The following MICAL2 variants were observed in gnomAD, a reference collection of about 807,000 sequenced individuals.
The protein encoded by MICAL2 is microtubule associated monooxygenase, calponin and LIM domain containing 2.
A neutral mutation model predicts 127.3 loss-of-function variants in MICAL2; 77 were observed. The observed-to-expected ratio is 0.60, with a 90% CI of 0.50 to 0.73. The LOEUF is 0.73. MICAL2 is among the 30% of genes least tolerant of loss of function. MICAL2 has a pLI of 0.00. For synonymous variants in MICAL2, 570 were observed against 551.1 expected, an observed-to-expected ratio of 1.03 and a Z score of -0.48; for missense variants, 1,351 against 1,434.4, an observed-to-expected ratio of 0.94 and a Z score of 0.94.
In MICAL2 at chr11:12,151,680, T is replaced by A. The variant is rs143715954; in HGVS notation, c.-77-10399T>A. On this transcript the variant is annotated intron_variant, in intron 2 of 27. Coordinates refer to ENST00000683283, the MANE Select transcript of MICAL2 (RefSeq NM_001282663.2). ...CACAGTTTCCAAGGTCTTTGTGCCC[T>A]GGCAGAAGTAGAAAAGGCACCAAAA... 9.3e-4 allele frequency among the ~76,000 whole-genome samples: 141 copies of A among 152,316 alleles called. 2 individuals carry two copies. In the East Asian group the frequency reaches 0.026, roughly 28 times the overall value.
chr11:12,294,602 A>G (rs1392670429), downstream of MICAL2: 3 of 1,614,188 alleles, frequency 1.9e-6, no homozygotes, highest in East Asian at 2.2e-5. Context: ...TAAGCCTCCA[A>G]AGAAAAGAAT....
intron 29 of MICAL2, among the ~76,000 whole-genome samples, chr11:12,312,487 G>T (rs1035336190): frequency 3.9e-5 from 6 of 151,956 alleles, no homozygotes; most frequent in African/African-American, 1.2e-4. Context: ...TCGATCCACA[G>T]CGTGTTTAGA....
chr11:12,120,197 C>T (rs1169830536), intron 1 of MICAL2, among the ~76,000 whole-genome samples: 2 of 152,220 alleles, frequency 1.3e-5, no homozygotes, highest in Non-Finnish European at 2.9e-5. Flanking sequence ...AGCCCTTGTC[C>T]GCAGAAGCCC....
intron 2 of MICAL2, among the ~76,000 whole-genome samples, chr11:12,144,417 T>A (rs1184874023): frequency 6.6e-6 from 1 of 151,920 alleles, no homozygotes. Flanking sequence ...GATGTTGGAG[T>A]TTGGGGCTGG....
chr11:12,227,482 G>A (rs768886476), intron 15 of MICAL2, among the ~76,000 whole-genome samples: 4 of 152,128 alleles, frequency 2.6e-5, no homozygotes, highest in Non-Finnish European at 4.4e-5. Flanking sequence ...GGAACATGAC[G>A]GCCATCAGTT....
At chr11:12,313,988 G>T (rs1042622440) in intron 29 of MICAL2, among the ~76,000 whole-genome samples, 3 of 27,382 alleles carry the variant, frequency 1.1e-4, no homozygotes, top group African/African-American at 2.7e-4. Flanking sequence ...TTTTTTGATA[G>T]CTATACAAAC....
In MICAL2 at chr11:12,286,401, C is replaced by G. The variant is rs534200957; in HGVS notation, c.255-686C>G. Among the ~76,000 whole-genome samples the G allele has an allele frequency of 2.0e-5, 3 of 152,238 alleles. No homozygotes were observed. The East Asian group carries it at 5.8e-4, about 29-fold the overall frequency. On this transcript the variant is annotated intron_variant, in intron 2 of 2. Transcript: ENST00000529028. Reference sequence around the variant, plus strand: ...CCGTGATGACCTTAGCTTTAAATAACTGTTCTGACATGAATGAATATGTGC... The same window carrying G: ...CCGTGATGACCTTAGCTTTAAATAAGTGTTCTGACATGAATGAATATGTGC...
intron 20 of MICAL2, 86 bp downstream of exon 20, chr11:12,242,858 TCTC>T (rs1314279242): frequency 2.2e-6 from 2 of 919,990 alleles, no homozygotes; most frequent in Non-Finnish European, 3.3e-6. Context: ...AGCTCAATTT[TCTC>T]CTCCTTCCTC....
At chr11:12,268,376 A>G (rs1054378727), downstream of MICAL2, among the ~76,000 whole-genome samples, 1 of 152,228 alleles carries the variant, frequency 6.6e-6, no homozygotes, top group Non-Finnish European at 1.5e-5. Context: ...GAGCAGTTCC[A>G]GCAGCATCCC....
At chr11:12,258,289 T>C (rs1453866774) in intron 24 of MICAL2, among the ~76,000 whole-genome samples, 179 bp from the exon 25 acceptor site, 1 of 152,148 alleles carries the variant, frequency 6.6e-6, no homozygotes, top group Non-Finnish European at 1.5e-5. Flanking sequence ...TCCTACCTTA[T>C]CTCAGTGCCA....
chr11:12,319,869 A>G (rs1455991265), intron 30 of MICAL2: 15 of 1,328,382 alleles, frequency 1.1e-5, no homozygotes, highest in Non-Finnish European at 1.4e-5. Flanking sequence ...CTTACCATCC[A>G]GATTTCAGAA....
chr11:12,289,690 T>C (rs1286372985), downstream of MICAL2, among the ~76,000 whole-genome samples: 2 of 151,232 alleles, frequency 1.3e-5, no homozygotes, highest in African/African-American at 4.9e-5. Context: ...CACCTCAGCC[T>C]CTCGAGTAGC....
At chr11:12,309,939 G>A (rs1474583259) in intron 29 of MICAL2, among the ~76,000 whole-genome samples, 1 of 152,064 alleles carries the variant, frequency 6.6e-6, no homozygotes, top group African/African-American at 2.4e-5. Flanking sequence ...GTGATGCTGA[G>A]TATTTTTTCA....
downstream of MICAL2, among the ~76,000 whole-genome samples, chr11:12,361,052 C>T (rs914149594): frequency 6.6e-6 from 1 of 152,166 alleles, no homozygotes; most frequent in Admixed American, 6.5e-5. Context: ...GATGAAAACA[C>T]ACAGAGTCTG....
chr11:12,321,766 CAG>C (rs1384964863), intron 30 of MICAL2, among the ~76,000 whole-genome samples: 4 of 152,052 alleles, frequency 2.6e-5, no homozygotes, highest in Non-Finnish European at 1.5e-5. Flanking sequence ...GAGAAAGAGT[CAG>C]AGTTTGATAG....
chr11:12,258,645 G>T (rs554627212), intron 25 of MICAL2, 89 bp downstream of exon 25: 443 of 1,186,916 alleles, frequency 3.7e-4, no homozygotes, highest in Non-Finnish European at 5.0e-4. Flanking sequence ...AGCTTTGCTG[G>T]CCCTAGAGGG....
At chr11:12,342,935 G>C (rs1393957763) in intron 32 of MICAL2, among the ~76,000 whole-genome samples, 1 of 152,146 alleles carries the variant, frequency 6.6e-6, no homozygotes, top group African/African-American at 2.4e-5. Flanking sequence ...GGGGCAGGGA[G>C]CTGATGGAAA....
At chr11:12,200,334 G>C (rs1860536631) in intron 3 of MICAL2, among the ~76,000 whole-genome samples, 2 of 152,218 alleles carry the variant, frequency 1.3e-5, no homozygotes, top group African/African-American at 4.8e-5. Context: ...TCTGAGGAAA[G>C]AGCTCCTTCG....
At chr11:12,152,376 G>A (rs753898791) in intron 2 of MICAL2, among the ~76,000 whole-genome samples, 1 of 151,538 alleles carries the variant, frequency 6.6e-6, no homozygotes. Flanking sequence ...GATGTGGTGT[G>A]CAAGACAGTA....
Sources: allele counts gnomAD v4.1 joint callset (sites outside exome capture counted in the v4.1 genomes callset), GRCh38; gene constraint gnomAD v4.1.1; transcripts MANE v1.5; gene names NCBI Gene and HGNC (gene_info 2026-07-23, HGNC 2026-07-21).